The following SETBP1 variants were observed in gnomAD, a reference collection of about 807,000 sequenced individuals.
SETBP1 encodes the protein SET-binding protein.
Under a neutral mutation model 101.0 loss-of-function variants are expected in SETBP1, and 9 were observed. The ratio of observed to expected loss-of-function variants is 0.09; its 90% CI spans 0.05 to 0.16. The LOEUF (loss-of-function observed/expected upper bound fraction) is 0.16, where lower values mean the gene tolerates loss of function less well. SETBP1 is among the 10% of genes least tolerant of loss of function. The pLI, the probability that SETBP1 is intolerant of heterozygous loss-of-function variation, is 1.00. For synonymous variants in SETBP1, 818 were observed against 788.5 expected, an observed-to-expected ratio of 1.04 and a Z score of -0.63; for missense variants, 1,858 against 2,033.8, an observed-to-expected ratio of 0.91 and a Z score of 1.66.
intron 4 of SETBP1, among the ~76,000 whole-genome samples, chr18:44,973,552 T>C (rs1411870481): frequency 6.6e-6 from 1 of 152,110 alleles, no homozygotes; most frequent in East Asian, 1.9e-4. Context: ...GCTGAGACAG[T>C]GTGGGGCCAT....
At position 45,002,874 on chromosome 18, in the gene SETBP1, G is replaced by T. The variant is rs2072645963; in HGVS notation, c.4001-35611G>T. Among the ~76,000 whole-genome samples, 11 of 152,306 alleles carry T rather than the reference G, an allele frequency of 7.2e-5. 1 individual carries two copies. In the South Asian group the frequency reaches 2.3e-3, roughly 32 times the overall value. ...GACAGTGTAGACTTGGCTAAAAATG[G>T]AAACAGTGGGTCTTCTTAACTACTC... On this transcript the variant is annotated intron_variant, in intron 4 of 5. Transcript: ENST00000649279.
intron 2 of SETBP1, among the ~76,000 whole-genome samples, chr18:44,752,837 C>G (rs1382459147): frequency 6.6e-6 from 1 of 152,194 alleles, no homozygotes; most frequent in African/African-American, 2.4e-5. Context: ...CCTTCAGGTT[C>G]TCCTCTAACC....
At chr18:44,814,975 G>T (rs771461966) in intron 2 of SETBP1, among the ~76,000 whole-genome samples, 37 of 151,618 alleles carry the variant, frequency 2.4e-4, no homozygotes, top group Admixed American at 4.0e-4. Context: ...TGGCTATGTA[G>T]CCTCCCTCTA....
At chr18:45,036,713 G>A (rs1298576859) in intron 4 of SETBP1, among the ~76,000 whole-genome samples, 1 of 152,228 alleles carries the variant, frequency 6.6e-6, no homozygotes, top group African/African-American at 2.4e-5. Context: ...TGGAGAATAG[G>A]AGGAAGGAAG....
At chr18:44,799,668 G>A (rs2071560267) in intron 2 of SETBP1, among the ~76,000 whole-genome samples, 2 of 152,160 alleles carry the variant, frequency 1.3e-5, no homozygotes, top group Admixed American at 1.3e-4. Flanking sequence ...TGCTGGGGAT[G>A]CGGAGCTAAA....
At chr18:44,829,597 G>A (rs183849601) in intron 2 of SETBP1, among the ~76,000 whole-genome samples, 1 of 152,132 alleles carries the variant, frequency 6.6e-6, no homozygotes, top group Non-Finnish European at 1.5e-5. Flanking sequence ...TCATCATTAG[G>A]CACCTACTGT....
chr18:44,819,020 A>G (rs2072047246), intron 2 of SETBP1, among the ~76,000 whole-genome samples: 1 of 151,768 alleles, frequency 6.6e-6, no homozygotes, highest in Admixed American at 6.6e-5. Flanking sequence ...ATACACACAC[A>G]TTTACTTTAA....
intron 2 of SETBP1, among the ~76,000 whole-genome samples, chr18:44,712,132 T>C (rs2069360914): frequency 6.6e-6 from 1 of 152,228 alleles, no homozygotes; most frequent in Non-Finnish European, 1.5e-5. Context: ...TAGTATCAAA[T>C]GCAGGTTGCT....
intron 2 of SETBP1, among the ~76,000 whole-genome samples, chr18:44,791,867 G>T (rs2071379279): frequency 6.6e-6 from 1 of 152,076 alleles, no homozygotes; most frequent in South Asian, 2.1e-4. Flanking sequence ...CCGCTTAATT[G>T]CCCTAACTTC....
intron 2 of SETBP1, among the ~76,000 whole-genome samples, chr18:44,772,803 C>T (rs1216621654): frequency 6.6e-6 from 1 of 152,134 alleles, no homozygotes; most frequent in East Asian, 1.9e-4. Flanking sequence ...ATATAGTAAT[C>T]AATATAGAAA....
At chr18:44,919,791 A>G (rs2070536804) in intron 3 of SETBP1, among the ~76,000 whole-genome samples, 1 of 152,008 alleles carries the variant, frequency 6.6e-6, no homozygotes, top group African/African-American at 2.4e-5. Flanking sequence ...ATACATATGC[A>G]TATACACACA....
At chr18:44,704,784 G>C (rs1354947376) in intron 2 of SETBP1, among the ~76,000 whole-genome samples, 2 of 152,222 alleles carry the variant, frequency 1.3e-5, no homozygotes, top group Non-Finnish European at 1.5e-5. Flanking sequence ...TATGTGATCA[G>C]TAATTTGGCT....
At chr18:44,791,382 T>G (rs1421449422) in intron 2 of SETBP1, among the ~76,000 whole-genome samples, 1 of 152,196 alleles carries the variant, frequency 6.6e-6, no homozygotes, top group African/African-American at 2.4e-5. Flanking sequence ...GAAAATTCTC[T>G]TACTGTAATG....
intron 4 of SETBP1, among the ~76,000 whole-genome samples, chr18:44,971,951 C>T (rs985573257): frequency 3.3e-5 from 5 of 152,136 alleles, no homozygotes; most frequent in African/African-American, 7.2e-5. Context: ...AGTCCTTGCC[C>T]GTGCCTATGT....
chr18:44,956,043 T>C (rs2071473537), intron 4 of SETBP1, among the ~76,000 whole-genome samples: 2 of 152,182 alleles, frequency 1.3e-5, no homozygotes, highest in South Asian at 4.1e-4. Context: ...CACTGCTTTG[T>C]TTCTATCTCT....
intron 2 of SETBP1, among the ~76,000 whole-genome samples, chr18:44,797,105 C>G (rs1316234114): frequency 2.0e-5 from 3 of 152,168 alleles, no homozygotes; most frequent in Non-Finnish European, 4.4e-5. Flanking sequence ...TGTGTTAATG[C>G]TTAACCAGAG....
chr18:44,957,913 C>A (rs1332500504), intron 4 of SETBP1, among the ~76,000 whole-genome samples: 1 of 152,126 alleles, frequency 6.6e-6, no homozygotes, highest in Non-Finnish European at 1.5e-5. Flanking sequence ...ATCTTTTTAA[C>A]CTTATTCCAA....
chr18:44,811,866 A>G lies in SETBP1; in HGVS notation c.487-57364A>G, dbSNP rs573376096. ...AGAATTCTTGAGGTGGTTGGTCTCA[A>G]TGCTGACACTGGAAGGGAGGCAGTT... On this transcript the variant is annotated intron_variant, in intron 2 of 5. Transcript: ENST00000649279. Among the ~76,000 whole-genome samples the G allele has an allele frequency of 4.6e-5, 7 of 152,312 alleles. No homozygotes were observed. The East Asian group carries it at 7.7e-4, about 17-fold the overall frequency.
chr18:45,063,759 C>G lies in SETBP1; in HGVS notation c.*61C>G. ...ACTGACACGTGGGAAGCGCAGTGAG[C>G]CGGGGCGGGGGCGGAATCCCCCGCT... On this transcript the variant is annotated 3_prime_UTR_variant, in exon 6 of 6. Coordinates refer to ENST00000649279, the MANE Select transcript of SETBP1 (RefSeq NM_015559.3). 6.5e-7 allele frequency: 1 copy of G among 1,544,936 alleles called. No homozygotes were observed. Among genetic ancestry groups the G allele is most frequent in the Non-Finnish European group, 8.8e-7 (1 of 1,142,540 alleles).
Sources: allele counts gnomAD v4.1 joint callset (sites outside exome capture counted in the v4.1 genomes callset), GRCh38; gene constraint gnomAD v4.1.1; transcripts MANE v1.5; gene names NCBI Gene and HGNC (gene_info 2026-07-23, HGNC 2026-07-21).